ERI3: variants seen among roughly 807,000 people sequenced by gnomAD.
The protein encoded by ERI3 is ERI1 exoribonuclease 3.
ERI3 carries 18 observed loss-of-function variants against 44.4 expected under a neutral mutation model. The ratio of observed to expected loss-of-function variants is 0.41; its 90% confidence interval spans 0.28 to 0.60. ERI3 has a LOEUF of 0.60. Ranked by LOEUF, ERI3 falls within the 20% of genes least tolerant of loss-of-function variation. The probability of loss-of-function intolerance (pLI) is 0.36; values close to 1 mark genes in which losing one functional copy is unlikely to be tolerated. For synonymous variants in ERI3, 183 were observed against 164.8 expected, an observed-to-expected ratio of 1.11 and a Z score of -0.84; for missense variants, 294 against 435.5, an observed-to-expected ratio of 0.68 and a Z score of 2.89.
At chr1:44,326,638 G>T (rs1646320469) in intron 3 of ERI3, among the ~76,000 whole-genome samples, 1 of 152,128 alleles carries the variant, frequency 6.6e-6, no homozygotes, top group Non-Finnish European at 1.5e-5. Context: ...TTGTGCTTCG[G>T]GTCATCTTTG....
At chr1:44,256,320 T>A (rs1409397472) in intron 7 of ERI3, among the ~76,000 whole-genome samples, 1 of 152,176 alleles carries the variant, frequency 6.6e-6, no homozygotes, top group Admixed American at 6.5e-5. Context: ...GTTGCCTGTT[T>A]TAAGGAAGAG....
chr1:44,235,921 T>C lies in ERI3; in HGVS notation c.931+12018A>G, dbSNP rs1410570424. 2.0e-5 allele frequency among the ~76,000 whole-genome samples: 3 copies of C among 152,146 alleles called. No individual in the cohort carries two copies. Among genetic ancestry groups the C allele is most frequent in the African/African-American group, 7.2e-5 (3 of 41,444 alleles). ...GGGACTCTGGGAAGGGGGGATGCCC[T>C]CCCTAAGCCGTGTCCCACCTGGTAA... is the stretch of plus-strand genomic sequence containing the variant. On this transcript the variant is annotated intron_variant, in intron 8 of 8. Coordinates refer to ENST00000372257, the MANE Select transcript of ERI3 (RefSeq NM_024066.3). The surrounding 1 kb of genome is among the most constrained non-coding windows in gnomAD (Gnocchi z 4.6).
intron 7 of ERI3, among the ~76,000 whole-genome samples, chr1:44,270,481 G>C (rs1032538157): frequency 1.3e-5 from 2 of 152,102 alleles, no homozygotes; most frequent in African/African-American, 4.8e-5. Context: ...CCAAAGTGTT[G>C]GAGTACACAC....
chr1:44,261,187 C>T (rs1644885808), intron 7 of ERI3, among the ~76,000 whole-genome samples: 1 of 152,224 alleles, frequency 6.6e-6, no homozygotes, highest in Non-Finnish European at 1.5e-5. Flanking sequence ...ATATTTGTGT[C>T]TGCTTTACCC....
At chr1:44,337,232 A>C (rs987176711) in intron 3 of ERI3, among the ~76,000 whole-genome samples, 2 of 152,248 alleles carry the variant, frequency 1.3e-5, no homozygotes, top group Non-Finnish European at 1.5e-5. Context: ...AGTAAATGCC[A>C]TAACAGAGGT....
At chr1:44,297,796 T>G (rs1041398409) in intron 6 of ERI3, among the ~76,000 whole-genome samples, 1 of 152,214 alleles carries the variant, frequency 6.6e-6, no homozygotes, top group Admixed American at 6.5e-5. Context: ...TCACTCACCT[T>G]ACAGGCATGG....
At chr1:44,353,366 G>T (rs1287364218) in intron 1 of ERI3, 3 of 985,292 alleles carry the variant, frequency 3.0e-6, no homozygotes, top group Non-Finnish European at 2.4e-6. Context: ...ACACTTTCAG[G>T]ATAGTTCCAA....
chr1:44,237,763 A>G (rs2154316959), intron 8 of ERI3, among the ~76,000 whole-genome samples: 1 of 152,306 alleles, frequency 6.6e-6, no homozygotes, highest in South Asian at 2.1e-4. Context: ...GGCCACTTTG[A>G]AAATCCATAC....
chr1:44,345,910 G>A (rs1052720057), intron 2 of ERI3, among the ~76,000 whole-genome samples: 2 of 152,204 alleles, frequency 1.3e-5, no homozygotes, highest in Admixed American at 1.3e-4. Flanking sequence ...TCCAAGGCCA[G>A]GGTCTCAGGC....
At chr1:44,298,556 A>C (rs1306020307) in intron 6 of ERI3, among the ~76,000 whole-genome samples, 1 of 152,262 alleles carries the variant, frequency 6.6e-6, no homozygotes, top group African/African-American at 2.4e-5. Flanking sequence ...GAAATATAAT[A>C]AAAAGCCTAA....
At chr1:44,307,940 A>G (rs1557838021) in intron 6 of ERI3, among the ~76,000 whole-genome samples, 1 of 152,256 alleles carries the variant, frequency 6.6e-6, no homozygotes, top group African/African-American at 2.4e-5. Context: ...TGGTTGACAA[A>G]TAAGTTACTA....
chr1:44,336,167 C>T (rs182641558), intron 3 of ERI3, among the ~76,000 whole-genome samples: 13 of 152,234 alleles, frequency 8.5e-5, no homozygotes, highest in Admixed American at 8.5e-4. Context: ...CCTTGTTGAC[C>T]AGAAGACCTA....
chr1:44,284,828 AC>A lies in ERI3; in HGVS notation c.831+6del, dbSNP rs1478541587. ...GGAAGCACCCAGTTGGGGCTCAGAC[AC>A]AGTACCTTTTTCAGATTAATCCACT... On this transcript the variant is annotated splice_donor_region_variant and intron_variant, in intron 7 of 8. Transcript: ENST00000372257. The A allele has an allele frequency of 1.2e-5, 20 of 1,613,632 alleles. No individual in the cohort carries two copies. The highest frequency in any genetic ancestry group is 1.7e-5 in the Non-Finnish European group (20 of 1,179,548).
At chr1:44,300,866 C>T (rs1305973015) in intron 6 of ERI3, among the ~76,000 whole-genome samples, 1 of 152,196 alleles carries the variant, frequency 6.6e-6, no homozygotes, top group Non-Finnish European at 1.5e-5. Flanking sequence ...GGCTACCCCA[C>T]CACCACTCCA....
intron 7 of ERI3, among the ~76,000 whole-genome samples, chr1:44,265,988 T>C (rs1331894807): frequency 6.6e-6 from 1 of 152,180 alleles, no homozygotes; most frequent in Non-Finnish European, 1.5e-5. Flanking sequence ...AAAAACAAAT[T>C]GTACACCTTA....
intron 8 of ERI3, 28 bp downstream of exon 8, chr1:44,247,911 T>G: frequency 6.3e-7 from 1 of 1,581,016 alleles, no homozygotes; most frequent in Non-Finnish European, 8.6e-7. Context: ...TGGATGGAGC[T>G]GCCGGGGGAA....
intron 6 of ERI3, among the ~76,000 whole-genome samples, chr1:44,295,593 T>C (rs1231836085): frequency 6.6e-6 from 1 of 152,174 alleles, no homozygotes; most frequent in Non-Finnish European, 1.5e-5. Context: ...ACAGGATTCC[T>C]TGGGAGAGAA....
chr1:44,307,453 C>T (rs1334538495), intron 6 of ERI3, among the ~76,000 whole-genome samples: 1 of 152,162 alleles, frequency 6.6e-6, no homozygotes, highest in Non-Finnish European at 1.5e-5. Flanking sequence ...ACACGGAATA[C>T]TTGCTGCTAC....
chr1:44,354,769 T>G, intron 1 of ERI3, 123 bp downstream of exon 1: 1 of 1,259,208 alleles, frequency 7.9e-7, no homozygotes, highest in Non-Finnish European at 1.0e-6. Context: ...GTAGATTAAG[T>G]AAGCATCCAG....
Sources: allele counts gnomAD v4.1 joint callset (sites outside exome capture counted in the v4.1 genomes callset), GRCh38; gene constraint gnomAD v4.1.1; non-coding constraint Gnocchi (gnomAD v3.1); transcripts MANE v1.5; gene names NCBI Gene and HGNC (gene_info 2026-07-23, HGNC 2026-07-21).